Variants in CAPN1 observed in about 807,000 individuals in gnomAD.
CAPN1 encodes the protein calpain-1 catalytic subunit.
CAPN1 carries 77 observed loss-of-function variants against 105.2 expected under a neutral mutation model. The ratio of observed to expected loss-of-function variants is 0.73; its 90% confidence interval spans 0.61 to 0.88. The LOEUF (loss-of-function observed/expected upper bound fraction) is 0.88. Ranked by LOEUF, CAPN1 falls within the 40% of genes least tolerant of loss-of-function variation. The pLI, the probability that CAPN1 is intolerant of heterozygous loss-of-function variation, is 0.00. For synonymous variants in CAPN1, 355 were observed against 388.8 expected (o/e 0.91, Z 1.02); for missense variants, 833 against 976.6 (o/e 0.85, Z 1.96).
chr11:65,204,289 C>T (rs1415282073), intron 10 of CAPN1, among the ~76,000 whole-genome samples: 1 of 152,216 alleles, frequency 6.6e-6, no homozygotes, highest in East Asian at 1.9e-4. Context: ...TCCGTAAGTG[C>T]TCCCTGTCCG....
Position 65,188,371 on chromosome 11 carries a change from A to G in CAPN1, c.930-43A>G. ...CAGGCCCCAGGGACAGAGGCCAGGC[A>G]GGTCAGTGCCCACCAGCCCTGGCAG... On this transcript the variant is annotated intron_variant, in intron 8 of 21. Coordinates refer to ENST00000279247, the MANE Select transcript of CAPN1 (RefSeq NM_005186.4). This position sits in a 1 kb window ranked among gnomAD's most constrained non-coding sequence, Gnocchi z 5.5. 1.3e-6 allele frequency: 2 copies of G among 1,532,684 alleles called. No individual in the cohort carries two copies. The highest frequency in any genetic ancestry group is 2.3e-5 in the South Asian group (2 of 85,868). The allele number at this position is 1,532,684 out of a possible 1,614,324, so 94.9% of individuals were successfully genotyped here. A position where few individuals can be genotyped will look rare whatever the true frequency, so the allele number is the denominator to read the frequency against.
At chr11:65,181,583 C>A (rs950283771), upstream of CAPN1, 14 of 415,490 alleles carry the variant, frequency 3.4e-5, no homozygotes, top group Non-Finnish European at 6.7e-5. This position sits in a 1 kb window ranked among gnomAD's most constrained non-coding sequence, Gnocchi z 4.6. Context: ...TCCGGCCCTG[C>A]AACTCGAGCT....
chr11:65,183,526 C>G lies in CAPN1; in HGVS notation c.390C>G (p.Leu130=). The change falls in exon 4 of 22, where the codon CTC becomes CTG. Residue 130 remains leucine, a synonymous_variant. Transcript: ENST00000279247. ...AIASLTLNDT[L]LHRVVPHGQS... is the part of the protein sequence containing the mutation. ...CCTCCCTCACTCTCAACGACACCCT[C>G]CTGCACCGAGTGGTTCCGCACGGCC... 6.2e-7 allele frequency: 1 copy of G among 1,613,962 alleles called. No homozygotes were observed. The highest frequency in any genetic ancestry group is 8.5e-7 in the Non-Finnish European group (1 of 1,179,826).
At chr11:65,207,327 G>A (rs1254122274) in intron 14 of CAPN1, among the ~76,000 whole-genome samples, 1 of 151,350 alleles carries the variant, frequency 6.6e-6, no homozygotes, top group Non-Finnish European at 1.5e-5. Context: ...AGCCTCCTGA[G>A]TAGCTGGGAT....
intron 10 of CAPN1, among the ~76,000 whole-genome samples, chr11:65,196,173 A>G (rs955480989): frequency 6.6e-6 from 1 of 151,878 alleles, no homozygotes; most frequent in Non-Finnish European, 1.5e-5. Flanking sequence ...TCAAAGAACT[A>G]TTGGTTTTAT....
chr11:65,204,889 C>A, intron 11 of CAPN1, 31 bp downstream of exon 11: 2 of 1,577,472 alleles, frequency 1.3e-6, no homozygotes, highest in Non-Finnish European at 1.7e-6. Flanking sequence ...GTGGATCTCA[C>A]TGAGCAGGCA....
chr11:65,187,594 G>A, intron 7 of CAPN1: 2 of 504,052 alleles, frequency 4.0e-6, no homozygotes, highest in South Asian at 4.1e-5. Flanking sequence ...GAGTGTTAAA[G>A]TGCGTGCATG....
intron 5 of CAPN1, 23 bp downstream of exon 5, chr11:65,186,073 ACTCCAG>A: frequency 6.2e-7 from 1 of 1,609,522 alleles, no homozygotes. Flanking sequence ...TGAGGGGGCA[ACTCCAG>A]CTTCCAGCTC....
chr11:65,204,466 C>T (rs553036678), intron 10 of CAPN1, among the ~76,000 whole-genome samples: 1 of 152,220 alleles, frequency 6.6e-6, no homozygotes, highest in Non-Finnish European at 1.5e-5. Context: ...GCTAACCTAA[C>T]GGACTTGCTC....
chr11:65,182,886 C>A lies in CAPN1; in HGVS notation c.185C>A (p.Pro62His), dbSNP rs761450074. 2.5e-6 allele frequency: 4 copies of A among 1,605,534 alleles called. No homozygotes were observed. Among genetic ancestry groups the A allele is most frequent in the Admixed American group, 1.7e-5 (1 of 58,394 alleles). Residue 62 changes from proline to histidine, a missense_variant, in exon 2 of 22, where the codon CCC becomes CAC. Pro to His is a moderately conservative substitution (Grantham distance 77). Transcript: ENST00000279247. ...ACCCTCTTCCGTGATGAGGCCTTCC[C>A]CCCGGTACCCCAGAGCCTGGGTTAC... Reference protein sequence around the residue: ...SGTLFRDEAFPPVPQSLGYKD... With the variant: ...SGTLFRDEAFHPVPQSLGYKD...
At chr11:65,207,770 G>A (rs746044400) in intron 14 of CAPN1, among the ~76,000 whole-genome samples, 4 of 151,890 alleles carry the variant, frequency 2.6e-5, no homozygotes, top group African/African-American at 7.3e-5. Flanking sequence ...AAAATTAGCC[G>A]GGCATGGTGG....
intron 10 of CAPN1, among the ~76,000 whole-genome samples, chr11:65,189,861 C>T (rs568479984): frequency 6.6e-6 from 1 of 152,300 alleles, no homozygotes; most frequent in Non-Finnish European, 1.5e-5. Context: ...ACTCTCACCT[C>T]GATATCTCCC....
Position 65,209,775 on chromosome 11 carries a change from T to C in CAPN1, c.1795-74T>C. The C allele has an allele frequency of 6.8e-7, 1 of 1,466,368 alleles. No homozygotes were observed. Among genetic ancestry groups the C allele is most frequent in the African/African-American group, 1.4e-5 (1 of 71,876 alleles). 90.8% of individuals were successfully genotyped at this position (1,466,368 alleles called of 1,614,324 possible). On this transcript the variant is annotated intron_variant, in intron 17 of 21. Coordinates refer to ENST00000279247, the MANE Select transcript of CAPN1 (RefSeq NM_005186.4). The surrounding 1 kb of genome is among the most constrained non-coding windows in gnomAD (Gnocchi z 4.1). ...TCGACTTGCCGGCTCGGCGGCCATC[T>C]CCCCTTCTGCACAGTTGCCCACTCT...
At chr11:65,182,477 A>G in intron 1 of CAPN1, 1 of 531,534 alleles carries the variant, frequency 1.9e-6, no homozygotes, top group East Asian at 3.1e-5. Flanking sequence ...CCGGGAAAGG[A>G]GAGGTGGCCG....
At position 65,210,519 on chromosome 11, in the gene CAPN1, G is replaced by C. The variant is rs1232933131; in HGVS notation, c.2059+67G>C. The stretch of plus-strand genomic sequence containing the variant: ...AAACGCGTCCCCCAGGAGCTGGGGG[G>C]AATGACAGATGGGTGAATTAGCAGA... On this transcript the variant is annotated intron_variant, in intron 20 of 21. Coordinates refer to ENST00000279247, the MANE Select transcript of CAPN1 (RefSeq NM_005186.4). This position sits in a 1 kb window ranked among gnomAD's most constrained non-coding sequence, Gnocchi z 4.3. 2.1e-6 allele frequency: 2 copies of C among 959,264 alleles called. No homozygotes were observed. Among genetic ancestry groups the C allele is most frequent in the Admixed American group, 2.0e-5 (1 of 51,214 alleles). The allele number at this position is 959,264 out of a possible 1,614,324, so 59.4% of individuals were successfully genotyped here.
At chr11:65,206,378 G>C (rs959889452) in intron 12 of CAPN1, 85 bp from the exon 13 acceptor site, 5 of 1,041,750 alleles carry the variant, frequency 4.8e-6, no homozygotes, top group Non-Finnish European at 4.4e-6. Context: ...CCAGGACAAG[G>C]AGCCTGGAGT....
chr11:65,195,490 T>G (rs929634841), intron 10 of CAPN1, among the ~76,000 whole-genome samples: 5 of 152,200 alleles, frequency 3.3e-5, no homozygotes, highest in African/African-American at 1.2e-4. Flanking sequence ...GATGATCATT[T>G]TGAGGTTTTT....
At chr11:65,185,873 C>CG (rs1948624223) in intron 4 of CAPN1, 44 bp from the exon 5 acceptor site, 2 of 1,551,384 alleles carry the variant, frequency 1.3e-6, no homozygotes, top group African/African-American at 2.7e-5. Context: ...AGCTCAGGTC[C>CG]GGGGGATTCC....
In CAPN1 at chr11:65,210,525, C is replaced by G. The variant is rs770003887; in HGVS notation, c.2059+73C>G. 57 of 924,596 alleles carry G rather than the reference C, an allele frequency of 6.2e-5. No individual in the cohort carries two copies. The Middle Eastern group carries it at 2.9e-3, about 47-fold the overall frequency. The allele number at this position is 924,596 out of a possible 1,614,324, so 57.3% of individuals were successfully genotyped here. ...GTCCCCCAGGAGCTGGGGGGAATGA[C>G]AGATGGGTGAATTAGCAGATACAGG... is the stretch of plus-strand genomic sequence containing the variant. On this transcript the variant is annotated intron_variant, in intron 20 of 21. Transcript: ENST00000279247. This position sits in a 1 kb window ranked among gnomAD's most constrained non-coding sequence, Gnocchi z 4.3.
Sources: allele counts gnomAD v4.1 joint callset (sites outside exome capture counted in the v4.1 genomes callset), GRCh38; gene constraint gnomAD v4.1.1; non-coding constraint Gnocchi (gnomAD v3.1); transcripts MANE v1.5; gene names NCBI Gene and HGNC (gene_info 2026-07-23, HGNC 2026-07-21).